Variants in NTN1 observed in about 807,000 individuals in gnomAD.
NTN1 encodes the protein netrin 1.
In NTN1, 11 loss-of-function variants were observed where a neutral mutation model predicts 54.2. The ratio of observed to expected loss-of-function variants is 0.20; its 90% CI spans 0.13 to 0.34. The LOEUF (loss-of-function observed/expected upper bound fraction) is 0.34, where lower values mean the gene tolerates loss of function less well. Among genes scored for constraint, NTN1 ranks in the 10% least tolerant of loss-of-function variants. The pLI is 1.00. For synonymous variants in NTN1, 371 were observed against 382.0 expected, an observed-to-expected ratio of 0.97 and a Z score of 0.33; for missense variants, 740 against 893.1, an observed-to-expected ratio of 0.83 and a Z score of 2.18.
chr17:9,188,555 G>A lies in NTN1; in HGVS notation c.1411+5586G>A, dbSNP rs955348824. 3.3e-5 allele frequency among the ~76,000 whole-genome samples: 5 copies of A among 151,984 alleles called. No individual in the cohort carries two copies. The East Asian group carries it at 5.8e-4, about 18-fold the overall frequency. On this transcript the variant is annotated intron_variant, in intron 5 of 6. Transcript: ENST00000173229. ...GTGAGTCTGATTTGTCTGGGGCTGG[G>A]GTGAGTGTCCTGGAGACAAGGCACT... is the stretch of plus-strand genomic sequence containing the variant.
At chr17:9,224,368 ATC>A (rs977137251) in intron 6 of NTN1, among the ~76,000 whole-genome samples, 1 of 152,112 alleles carries the variant, frequency 6.6e-6, no homozygotes, top group African/African-American at 2.4e-5. Context: ...AATGGGGGGC[ATC>A]TCTCTTGGGG....
intron 2 of NTN1, among the ~76,000 whole-genome samples, chr17:9,029,082 C>T (rs1411583452): frequency 6.6e-6 from 1 of 151,810 alleles, no homozygotes; most frequent in East Asian, 1.9e-4. Context: ...CAGCATTTTG[C>T]CTGTTGTCTG....
intron 2 of NTN1, among the ~76,000 whole-genome samples, chr17:9,028,586 A>G (rs372613218): frequency 1.3e-5 from 2 of 152,192 alleles, no homozygotes; most frequent in Non-Finnish European, 2.9e-5. Flanking sequence ...TTGAGACTTT[A>G]TGTCCAGAGT....
In NTN1 at chr17:9,159,717, C is replaced by T. The variant is rs566822621; in HGVS notation, c.1019-3096C>T. 6.4e-4 allele frequency among the ~76,000 whole-genome samples: 98 copies of T among 152,186 alleles called. 1 individual carries two copies. The highest frequency in any genetic ancestry group is 2.2e-3 in the African/African-American group (93 of 41,526). The stretch of plus-strand genomic sequence containing the variant: ...TCGGGAGGCTGAGGCAGGAGAATCG[C>T]GTGAACCTGGGAGGCGGAGGTTGCA... On this transcript the variant is annotated intron_variant, in intron 2 of 6. Coordinates refer to ENST00000173229, the MANE Select transcript of NTN1 (RefSeq NM_004822.3).
intron 2 of NTN1, among the ~76,000 whole-genome samples, chr17:9,023,748 A>AC (rs540300535): frequency 6.6e-5 from 10 of 151,736 alleles, no homozygotes; most frequent in Non-Finnish European, 1.5e-4. Context: ...ACCTGCACCC[A>AC]CCCCCCTTTC....
chr17:9,111,191 C>G (rs1173864286), intron 2 of NTN1, among the ~76,000 whole-genome samples: 8 of 152,268 alleles, frequency 5.3e-5, no homozygotes, highest in African/African-American at 1.9e-4. Flanking sequence ...CTGCCTCGGC[C>G]TCCCAAAGTG....
At chr17:9,210,991 T>A (rs1278280726) in intron 5 of NTN1, among the ~76,000 whole-genome samples, 1 of 148,392 alleles carries the variant, frequency 6.7e-6, no homozygotes, top group Non-Finnish European at 1.5e-5. Context: ...AAGAATTGTA[T>A]CCTCATTGCA....
intron 2 of NTN1, among the ~76,000 whole-genome samples, chr17:9,140,376 A>G (rs561747602): frequency 3.3e-5 from 5 of 152,242 alleles, no homozygotes; most frequent in Non-Finnish European, 7.3e-5. Context: ...AAACAACAGA[A>G]GGAAAGCACA....
At chr17:9,172,662 G>C (rs2092390267) in intron 3 of NTN1, 1 of 151,986 alleles carries the variant, frequency 6.6e-6, no homozygotes, top group Non-Finnish European at 1.5e-5. Context: ...ATCAAAGACG[G>C]GCAGATCACA....
At chr17:9,099,449 G>A (rs924575594) in intron 2 of NTN1, among the ~76,000 whole-genome samples, 2 of 152,136 alleles carry the variant, frequency 1.3e-5, no homozygotes, top group Admixed American at 6.6e-5. Context: ...TGAATATAGA[G>A]TAATTTATTT....
intron 3 of NTN1, among the ~76,000 whole-genome samples, chr17:9,166,090 A>T (rs1228125192): frequency 1.3e-5 from 2 of 152,006 alleles, no homozygotes; most frequent in East Asian, 3.9e-4. Context: ...AGAAGTTCAG[A>T]TGCTGGCGGG....
rs1235335978 is a variant in NTN1 at position 9,166,381 on chromosome 17, G to A, written c.1207+3380G>A. Among the ~76,000 whole-genome samples, 7 of 122,050 alleles carry A rather than the reference G, an allele frequency of 5.7e-5. No individual in the cohort carries two copies. The Admixed American group carries it at 7.5e-4, about 13-fold the overall frequency. 80.1% of individuals were successfully genotyped at this position (122,050 alleles called of 152,430 possible). A position where few individuals can be genotyped will look rare whatever the true frequency, so the allele number is the denominator to read the frequency against. On this transcript the variant is annotated intron_variant, in intron 3 of 6. Coordinates refer to ENST00000173229, the MANE Select transcript of NTN1 (RefSeq NM_004822.3). ...TTTTGAGATGGAGTCTCACTCTGTT[G>A]TCCAGGCTGGAGTGCAGTGGTGCAA...
intron 3 of NTN1, 64 bp downstream of exon 3, chr17:9,163,065 C>T: frequency 6.8e-7 from 1 of 1,464,932 alleles, no homozygotes; most frequent in Non-Finnish European, 9.2e-7. Context: ...CTCCCGCTCC[C>T]TCCTCGCTTC....
intron 2 of NTN1, among the ~76,000 whole-genome samples, chr17:9,129,018 C>T (rs995326274): frequency 3.9e-5 from 6 of 152,148 alleles, no homozygotes; most frequent in African/African-American, 1.4e-4. Context: ...TTGCTTGCAG[C>T]ACTGGGGCTT....
intron 3 of NTN1, among the ~76,000 whole-genome samples, chr17:9,164,809 G>A (rs201892703): frequency 2.6e-5 from 4 of 152,210 alleles, no homozygotes; most frequent in African/African-American, 4.8e-5. Flanking sequence ...AAAAAATCAC[G>A]GTTTCAGGTG....
intron 2 of NTN1, among the ~76,000 whole-genome samples, chr17:9,029,986 G>A (rs2091883947): frequency 1.8e-5 from 2 of 112,472 alleles, no homozygotes; most frequent in South Asian, 3.5e-4. Flanking sequence ...GCGAAACTCC[G>A]TCTCAAAAAA....
intron 2 of NTN1, among the ~76,000 whole-genome samples, chr17:9,067,908 A>G (rs912769017): frequency 4.6e-5 from 7 of 152,194 alleles, no homozygotes; most frequent in Admixed American, 3.9e-4. Context: ...CTCTGCCTCC[A>G]TAGAGTTCAG....
At chr17:9,204,248 C>T (rs889558963) in intron 5 of NTN1, among the ~76,000 whole-genome samples, 3 of 140,582 alleles carry the variant, frequency 2.1e-5, no homozygotes, top group African/African-American at 5.9e-5. Flanking sequence ...TCCTCTGTTT[C>T]TCTCTCTCTC....
the NTN1 span, among the ~76,000 whole-genome samples, chr17:9,003,594 C>T: frequency 6.7e-6 from 1 of 148,580 alleles, no homozygotes; most frequent in Non-Finnish European, 1.5e-5. The surrounding 1 kb of genome is among the most constrained non-coding windows in gnomAD (Gnocchi z 7.4). Flanking sequence ...CCAGCCCCGG[C>T]CCTGCCGCGC....
Sources: gnomAD v4.1 joint callset for allele counts (sites outside exome capture counted in the v4.1 genomes callset) on GRCh38, gnomAD v4.1.1 for gene constraint, Gnocchi (gnomAD v3.1) non-coding constraint, MANE v1.5 for transcripts, NCBI Gene and HGNC (gene_info 2026-07-23, HGNC 2026-07-21) for gene names.